Variants in KIAA1958 observed in about 807,000 individuals in gnomAD.
The protein encoded by KIAA1958 is KIAA1958.
Under a neutral mutation model 47.2 loss-of-function variants are expected in KIAA1958, and 14 were observed. That is an observed-to-expected ratio of 0.30 (90% CI 0.20 to 0.46). KIAA1958 has a LOEUF of 0.46. KIAA1958 is among the 20% of genes least tolerant of loss of function. The pLI, the probability that KIAA1958 is intolerant of heterozygous loss-of-function variation, is 1.00. For missense variants in KIAA1958, 803 were observed against 909.2 expected (o/e 0.88, Z 1.50); for synonymous variants, 354 against 353.3 (o/e 1.00, Z -0.02).
At position 112,575,182 on chromosome 9, in the gene KIAA1958, A is replaced by G. The variant is rs1436430696; in HGVS notation, c.1102A>G (p.Ser368Gly). The G allele has an allele frequency of 6.3e-7, 1 of 1,592,036 alleles. No individual in the cohort carries two copies. The highest frequency in any genetic ancestry group is 8.5e-7 in the Non-Finnish European group (1 of 1,176,220). Residue 368 changes from serine (S) to glycine (G), a missense_variant, in exon 2 of 4, where the codon AGC (serine) becomes GGC (glycine). Coordinates refer to ENST00000337530, the MANE Select transcript of KIAA1958 (RefSeq NM_133465.4). ...SPSVNTEPEV[S>G]SSQQQPPVAP... Reference sequence around the variant, plus strand: ...CTCAGTTAACACAGAGCCAGAAGTGAGCTCCAGTCAGCAGCAGCCCCCAGT... The same window carrying G: ...CTCAGTTAACACAGAGCCAGAAGTGGGCTCCAGTCAGCAGCAGCCCCCAGT...
In KIAA1958 at chr9:112,663,352, G is replaced by A. The variant is rs1446392319; in HGVS notation, c.*3283G>A. ...GTGATTCAATTGAATATAGTTTAGT[G>A]CGGTACCAGGCACATCATAAGCATG... On this transcript the variant is annotated 3_prime_UTR_variant, in exon 4 of 4. Coordinates refer to ENST00000337530, the MANE Select transcript of KIAA1958 (RefSeq NM_133465.4). 1 of 152,136 alleles carries A rather than the reference G, an allele frequency of 6.6e-6. No individual in the cohort carries two copies. The highest frequency in any genetic ancestry group is 1.5e-5 in the Non-Finnish European group (1 of 68,048). The allele number at this position is 152,136 out of a possible 1,614,324, so 9.4% of individuals were successfully genotyped here. A position where few individuals can be genotyped will look rare whatever the true frequency, so the allele number is the denominator to read the frequency against.
chr9:112,552,982 T>C (rs192179252), intron 1 of KIAA1958, among the ~76,000 whole-genome samples: 2 of 152,234 alleles, frequency 1.3e-5, no homozygotes, highest in Non-Finnish European at 2.9e-5. Flanking sequence ...GGAATGTCAC[T>C]TGAGAGATGG....
At chr9:112,623,402 G>A (rs541983668) in intron 2 of KIAA1958, among the ~76,000 whole-genome samples, 17 of 152,316 alleles carry the variant, frequency 1.1e-4, no homozygotes, top group Admixed American at 6.5e-4. Flanking sequence ...ATCCGTATCT[G>A]AAATTAGATC....
At chr9:112,623,450 A>T (rs561107075) in intron 2 of KIAA1958, among the ~76,000 whole-genome samples, 2 of 152,194 alleles carry the variant, frequency 1.3e-5, no homozygotes, top group Non-Finnish European at 2.9e-5. Context: ...TGCTGTAGCT[A>T]CTTGTTCAAG....
At chr9:112,611,578 G>A (rs1156277745) in intron 2 of KIAA1958, among the ~76,000 whole-genome samples, 4 of 151,756 alleles carry the variant, frequency 2.6e-5, no homozygotes, top group African/African-American at 9.7e-5. Flanking sequence ...CTGTTTGGGA[G>A]ATGCAGAAGA....
chr9:112,587,292 G>C (rs2131186574), intron 2 of KIAA1958, among the ~76,000 whole-genome samples: 1 of 152,248 alleles, frequency 6.6e-6, no homozygotes, highest in South Asian at 2.1e-4. Flanking sequence ...TGGGATTACA[G>C]GCATGCGCCA....
At chr9:112,491,415 C>G (rs1023291922) in intron 1 of KIAA1958, among the ~76,000 whole-genome samples, 2 of 152,170 alleles carry the variant, frequency 1.3e-5, no homozygotes, top group African/African-American at 4.8e-5. Flanking sequence ...GAGTAGCTCC[C>G]CCCTTGGTTG....
intron 3 of KIAA1958, among the ~76,000 whole-genome samples, chr9:112,648,004 A>G (rs534433135): frequency 2.6e-5 from 4 of 152,366 alleles, no homozygotes; most frequent in South Asian, 4.1e-4. Context: ...CTAGTGTCCA[A>G]TCAAATATTA....
chr9:112,501,670 G>A (rs1419033545), intron 1 of KIAA1958, among the ~76,000 whole-genome samples: 6 of 152,122 alleles, frequency 3.9e-5, no homozygotes, highest in African/African-American at 1.4e-4. Flanking sequence ...GTAGAGAGAC[G>A]GGAAGGGCAT....
At chr9:112,536,224 C>G (rs1834852613) in intron 1 of KIAA1958, among the ~76,000 whole-genome samples, 1 of 152,122 alleles carries the variant, frequency 6.6e-6, no homozygotes, top group Non-Finnish European at 1.5e-5. Context: ...TAAGCTTAGT[C>G]TCAATATTTT....
Position 112,659,945 on chromosome 9 carries a change from G to T in KIAA1958, c.2027G>T (p.Arg676Leu), listed in dbSNP as rs368441076. Residue 676 changes from arginine to leucine, a missense_variant, in exon 4 of 4, where the codon CGC becomes CTC. Transcript: ENST00000337530. ...VWYEEQRMGL[R>L]SLRGIVPNLA... ...TATGAGGAGCAGAGGATGGGGCTGCGCTCTCTTCGGGGAATTGTCCCAAAC... is the reference window on the plus strand; with the variant it reads ...TATGAGGAGCAGAGGATGGGGCTGCTCTCTCTTCGGGGAATTGTCCCAAAC... 1 of 1,614,226 alleles carries T rather than the reference G, an allele frequency of 6.2e-7. No individual in the cohort carries two copies. The highest frequency in any genetic ancestry group is 8.5e-7 in the Non-Finnish European group (1 of 1,180,024).
chr9:112,492,715 T>A (rs2132755620), intron 1 of KIAA1958, among the ~76,000 whole-genome samples: 1 of 152,350 alleles, frequency 6.6e-6, no homozygotes, highest in Non-Finnish European at 1.5e-5. Context: ...TCATTGTTTT[T>A]AAATGCTTTA....
At chr9:112,593,575 TTTTTG>T (rs1035552065) in intron 2 of KIAA1958, among the ~76,000 whole-genome samples, 5 of 152,164 alleles carry the variant, frequency 3.3e-5, no homozygotes, top group African/African-American at 1.2e-4. Context: ...TGTTTTTTTG[TTTTTG>T]TTTTGTTTTG....
chr9:112,655,413 C>T (rs572258292), intron 3 of KIAA1958, among the ~76,000 whole-genome samples: 184 of 152,212 alleles, frequency 1.2e-3, no homozygotes, highest in African/African-American at 4.3e-3. Flanking sequence ...TATGGCACTC[C>T]TCTATAAAAC....
intron 1 of KIAA1958, among the ~76,000 whole-genome samples, chr9:112,564,400 ACT>A (rs1835391951): frequency 2.0e-5 from 3 of 152,152 alleles, no homozygotes; most frequent in African/African-American, 4.8e-5. Flanking sequence ...GCAACAACAA[ACT>A]CTAAAAGGTT....
chr9:112,598,719 C>A (rs1400193797), intron 2 of KIAA1958, among the ~76,000 whole-genome samples: 1 of 152,098 alleles, frequency 6.6e-6, no homozygotes, highest in Non-Finnish European at 1.5e-5. Context: ...ACAAGACACA[C>A]AAGAAAACTG....
intron 2 of KIAA1958, among the ~76,000 whole-genome samples, chr9:112,643,268 A>G (rs904923272): frequency 6.6e-6 from 1 of 152,232 alleles, no homozygotes; most frequent in Non-Finnish European, 1.5e-5. Context: ...TATTAACTCC[A>G]TAATTTAAAC....
intron 2 of KIAA1958, among the ~76,000 whole-genome samples, chr9:112,630,230 T>C (rs903227010): frequency 6.6e-6 from 1 of 152,220 alleles, no homozygotes; most frequent in African/African-American, 2.4e-5. Flanking sequence ...ATCCTGTTAA[T>C]AGAAAAGAAA....
chr9:112,546,235 G>A (rs1029154110), intron 1 of KIAA1958, among the ~76,000 whole-genome samples: 32 of 152,020 alleles, frequency 2.1e-4, no homozygotes, highest in Non-Finnish European at 5.9e-5. Flanking sequence ...TAATACATTA[G>A]CATACTAGAG....
Sources: allele counts gnomAD v4.1 joint callset (sites outside exome capture counted in the v4.1 genomes callset), GRCh38; gene constraint gnomAD v4.1.1; transcripts MANE v1.5; gene names NCBI Gene and HGNC (gene_info 2026-07-23, HGNC 2026-07-21).